SAMMSON: variants seen among roughly 807,000 people sequenced by gnomAD.
SAMMSON encodes survival associated mitochondrial melanoma specific oncogenic non-coding RNA, also known as long intergenic non-protein coding RNA 1212.
intron 4 of SAMMSON, among the ~76,000 whole-genome samples, chr3:70,208,309 C>A (rs1701310878): frequency 6.6e-6 from 1 of 151,978 alleles, no homozygotes; most frequent in Non-Finnish European, 1.5e-5. Context: ...CAATTGGCAA[C>A]CTGGTTTGAT....
intron 3 of SAMMSON, among the ~76,000 whole-genome samples, chr3:70,046,996 C>T (rs1340308684): frequency 1.3e-4 from 20 of 152,138 alleles, no homozygotes; most frequent in Non-Finnish European, 7.4e-5. Flanking sequence ...ATGAGCTCAA[C>T]ATCCTTCACC....
chr3:70,299,254 G>A (rs1403079), intron 7 of SAMMSON, among the ~76,000 whole-genome samples: 44,514 of 151,778 alleles, frequency 0.29, 6,820 homozygotes, highest in South Asian at 0.41. Flanking sequence ...ACATTTATTC[G>A]TGAATCATCA....
intron 4 of SAMMSON, among the ~76,000 whole-genome samples, chr3:70,210,076 C>T (rs1216329840): frequency 1.3e-5 from 2 of 151,938 alleles, no homozygotes; most frequent in Non-Finnish European, 2.9e-5. Context: ...TGCTTTTGCA[C>T]AAAGTAATTC....
chr3:70,199,982 T>G (rs1412354262), intron 4 of SAMMSON, among the ~76,000 whole-genome samples: 2 of 152,202 alleles, frequency 1.3e-5, no homozygotes, highest in East Asian at 3.9e-4. Flanking sequence ...TCCTACTTTC[T>G]TTTATGGATG....
chr3:70,216,012 G>C (rs1415588809), intron 4 of SAMMSON, among the ~76,000 whole-genome samples: 1 of 151,834 alleles, frequency 6.6e-6, no homozygotes, highest in African/African-American at 2.4e-5. Flanking sequence ...GATATCTGTA[G>C]AACTGTGAAA....
intron 6 of SAMMSON, among the ~76,000 whole-genome samples, chr3:70,267,578 ATTTTTTT>A (rs377637066): frequency 7.5e-6 from 1 of 132,774 alleles, no homozygotes; most frequent in East Asian, 2.3e-4. Flanking sequence ...AATTTTTTGT[ATTTTTTT>A]TTTTTTTTTT....
chr3:70,421,988 C>T (rs1006353491), intron 2 of SAMMSON, among the ~76,000 whole-genome samples: 1 of 151,858 alleles, frequency 6.6e-6, no homozygotes, highest in Non-Finnish European at 1.5e-5. Context: ...AAATGCAACC[C>T]ACAAGTAACA....
chr3:70,197,883 T>C (rs1328726583), intron 4 of SAMMSON, among the ~76,000 whole-genome samples: 2 of 152,108 alleles, frequency 1.3e-5, no homozygotes, highest in African/African-American at 4.8e-5. Flanking sequence ...TTAAGAAAAT[T>C]GGTTTAAAAA....
chr3:70,230,561 C>G (rs967639517), intron 4 of SAMMSON, among the ~76,000 whole-genome samples: 19 of 152,132 alleles, frequency 1.2e-4, no homozygotes, highest in Admixed American at 9.2e-4. Context: ...ATGGAACTCT[C>G]TCTTGAAATT....
intron 2 of SAMMSON, among the ~76,000 whole-genome samples, chr3:70,395,254 T>G (rs1295329233): frequency 6.6e-6 from 1 of 151,674 alleles, no homozygotes; most frequent in Admixed American, 6.6e-5. Flanking sequence ...TCCTGCAGAA[T>G]GCAAGTCAAG....
At position 70,365,970 on chromosome 3, in the gene SAMMSON, CTTTTTTTTTTTTT is replaced by C. The variant is rs1193657961; in HGVS notation, n.913+7665_913+7677del. 4.0e-4 allele frequency among the ~76,000 whole-genome samples: 11 copies of C among 27,768 alleles called. 1 individual carries two copies. The highest frequency in any genetic ancestry group is 1.1e-3 in the African/African-American group (8 of 7,490). 18.2% of individuals were successfully genotyped at this position (27,768 alleles called of 152,430 possible). A position where few individuals can be genotyped will look rare whatever the true frequency, so the allele number is the denominator to read the frequency against. On this transcript the variant is annotated intron_variant and non_coding_transcript_variant, in intron 9 of 9. Transcript: ENST00000642114. ...AAAAATTGTTTGTGCTTTACCTTTT[CTTTTTTTTTTTTT>C]TTTTTTTTTTTTTTTTTTGAGACGG... is the stretch of plus-strand genomic sequence containing the variant.
At position 70,162,949 on chromosome 3, in the gene SAMMSON, G is replaced by C. The variant is rs554104477; in HGVS notation, n.508-86158G>C. Among the ~76,000 whole-genome samples, 358 of 151,738 alleles carry C rather than the reference G, an allele frequency of 2.4e-3. 1 individual carries two copies. Among genetic ancestry groups the C allele is most frequent in the African/African-American group, 8.4e-3 (349 of 41,430 alleles). ...TTAAAGTCTATTTTGTCTAACATTG[G>C]TATAGTTACCCAACTTGTTTTTTGT... is the stretch of plus-strand genomic sequence containing the variant. On this transcript the variant is annotated intron_variant and non_coding_transcript_variant, in intron 4 of 9. Coordinates refer to ENST00000642114, the Ensembl canonical transcript of SAMMSON.
At chr3:70,265,216 T>C (rs1259422996) in intron 6 of SAMMSON, among the ~76,000 whole-genome samples, 1 of 152,116 alleles carries the variant, frequency 6.6e-6, no homozygotes, top group Non-Finnish European at 1.5e-5. Flanking sequence ...CTAGTGTTCA[T>C]GTAAGTCTCT....
intron 7 of SAMMSON, among the ~76,000 whole-genome samples, chr3:70,296,679 A>G (rs147545303): frequency 3.5e-4 from 54 of 152,244 alleles, no homozygotes; most frequent in African/African-American, 1.2e-3. Context: ...AAGTCTTGAC[A>G]ATTCTAACTT....
At chr3:70,092,516 C>A (rs2067308557) in intron 4 of SAMMSON, among the ~76,000 whole-genome samples, 1 of 150,620 alleles carries the variant, frequency 6.6e-6, no homozygotes, top group Admixed American at 6.6e-5. Context: ...ACATGATCAT[C>A]TCTCCTACAT....
chr3:70,342,733 C>T (rs911011841), intron 7 of SAMMSON, among the ~76,000 whole-genome samples: 1 of 152,150 alleles, frequency 6.6e-6, no homozygotes, highest in African/African-American at 2.4e-5. Flanking sequence ...AAGGGACAGT[C>T]AGTATTGCCT....
At chr3:70,272,927 A>C (rs1430140099) in intron 6 of SAMMSON, among the ~76,000 whole-genome samples, 1 of 152,248 alleles carries the variant, frequency 6.6e-6, no homozygotes, top group East Asian at 1.9e-4. Flanking sequence ...ACATTCTGCA[A>C]AAACCCTGAG....
chr3:70,102,157 T>C (rs1480250332), intron 4 of SAMMSON, among the ~76,000 whole-genome samples: 1 of 151,918 alleles, frequency 6.6e-6, no homozygotes, highest in Non-Finnish European at 1.5e-5. Flanking sequence ...TAGTCTTATC[T>C]GAATTAAGTT....
intron 4 of SAMMSON, among the ~76,000 whole-genome samples, chr3:70,153,074 C>T (rs533030707): frequency 1.3e-5 from 2 of 152,002 alleles, no homozygotes; most frequent in African/African-American, 4.8e-5. Context: ...AACACATTGT[C>T]CCTAGAAGTT....
Sources: gnomAD v4.1 joint callset for allele counts (sites outside exome capture counted in the v4.1 genomes callset) on GRCh38, gnomAD v4.1.1 for gene constraint, MANE v1.5 for transcripts, NCBI Gene and HGNC (gene_info 2026-07-23, HGNC 2026-07-21) for gene names.